The following MAD1L1 variants were observed in gnomAD, a reference collection of about 807,000 sequenced individuals.
The protein encoded by MAD1L1 is mitotic spindle assembly checkpoint protein MAD1.
A neutral mutation model predicts 96.9 loss-of-function variants in MAD1L1; 95 were observed. The observed-to-expected ratio is 0.98, with a 90% CI of 0.83 to 1.16. The LOEUF is 1.16. Ranked by LOEUF, MAD1L1 falls within the 50% of genes most tolerant of loss-of-function variation. The pLI, the probability that MAD1L1 is intolerant of heterozygous loss-of-function variation, is 0.00. For synonymous variants in MAD1L1, 473 were observed against 396.6 expected (o/e 1.19, Z -2.29); for missense variants, 1,007 against 954.4 (o/e 1.06, Z -0.73).
chr7:2,139,761 G>T lies in MAD1L1; in HGVS notation c.1073+9391C>A, dbSNP rs557171138. Among the ~76,000 whole-genome samples, 664 of 152,360 alleles carry T rather than the reference G, an allele frequency of 4.4e-3. 10 individuals carry two copies. The highest frequency in any genetic ancestry group is 0.015 in the African/African-American group (629 of 41,580). The stretch of plus-strand genomic sequence containing the variant: ...CAGGGGCCAGTGTGAGGGGCTCTGC[G>T]TGGAGAGGCCAGCTGCAGCTCGGAC... On this transcript the variant is annotated intron_variant, in intron 11 of 18. Transcript: ENST00000265854.
intron 12 of MAD1L1, among the ~76,000 whole-genome samples, chr7:2,016,020 T>C (rs1391947645): frequency 6.6e-6 from 1 of 152,200 alleles, no homozygotes; most frequent in Non-Finnish European, 1.5e-5. Context: ...AGCTCTGTCC[T>C]GAGGCCAGCT....
At chr7:1,957,566 CACG>C in intron 16 of MAD1L1, 60 bp downstream of exon 16, 1 of 1,527,878 alleles carries the variant, frequency 6.5e-7, no homozygotes, top group Non-Finnish European at 9.0e-7. Context: ...CACGGTCGTT[CACG>C]ACGCCCAAAG....
chr7:2,002,392 T>C (rs1378693680), intron 13 of MAD1L1, among the ~76,000 whole-genome samples: 3 of 152,090 alleles, frequency 2.0e-5, no homozygotes, highest in Non-Finnish European at 4.4e-5. Flanking sequence ...TCCTAAAACC[T>C]GCCTCAGGAA....
intron 10 of MAD1L1, among the ~76,000 whole-genome samples, chr7:2,174,644 C>T (rs1465966770): frequency 6.6e-6 from 1 of 152,112 alleles, no homozygotes; most frequent in Non-Finnish European, 1.5e-5. Context: ...AACACTTACA[C>T]TGATTTTTTC....
At chr7:2,004,778 G>A (rs973442260) in intron 13 of MAD1L1, among the ~76,000 whole-genome samples, 4 of 152,234 alleles carry the variant, frequency 2.6e-5, no homozygotes, top group Non-Finnish European at 4.4e-5. Context: ...ATTCACAAGC[G>A]GCTCATCAGC....
intron 11 of MAD1L1, among the ~76,000 whole-genome samples, chr7:2,098,228 G>A (rs746771175): frequency 3.3e-5 from 5 of 152,188 alleles, no homozygotes; most frequent in East Asian, 1.9e-4. Context: ...GCACAGCGCC[G>A]TCCTCTGCCA....
intron 13 of MAD1L1, among the ~76,000 whole-genome samples, chr7:2,007,213 C>T (rs1415394847): frequency 6.6e-6 from 1 of 152,228 alleles, no homozygotes; most frequent in Non-Finnish European, 1.5e-5. Context: ...ACTGGAGACA[C>T]ACAGATTGAA....
intron 12 of MAD1L1, among the ~76,000 whole-genome samples, chr7:2,044,999 C>A (rs1783857894): frequency 6.6e-6 from 1 of 152,198 alleles, no homozygotes; most frequent in Non-Finnish European, 1.5e-5. Flanking sequence ...CTGACAGGGG[C>A]CACACGCCCA....
chr7:1,830,408 A>G (rs917848004), intron 18 of MAD1L1, among the ~76,000 whole-genome samples: 6 of 152,230 alleles, frequency 3.9e-5, no homozygotes, highest in Non-Finnish European at 8.8e-5. Flanking sequence ...AAAAAAATAA[A>G]TAAAAATAAA....
chr7:2,127,112 T>C (rs370830136), intron 11 of MAD1L1, among the ~76,000 whole-genome samples: 15 of 152,248 alleles, frequency 9.9e-5, no homozygotes, highest in African/African-American at 3.4e-4. Flanking sequence ...GTGACCCCAC[T>C]TTGGGGACAG....
chr7:2,039,354 G>A (rs1040149187), intron 12 of MAD1L1, among the ~76,000 whole-genome samples: 6 of 152,180 alleles, frequency 3.9e-5, no homozygotes, highest in South Asian at 2.1e-4. Flanking sequence ...TCCGAACCTC[G>A]GTTTTATTTC....
chr7:1,938,761 C>G (rs1778754000), intron 16 of MAD1L1, among the ~76,000 whole-genome samples: 1 of 146,246 alleles, frequency 6.8e-6, no homozygotes, highest in Non-Finnish European at 1.5e-5. Context: ...CACACACACA[C>G]ACACACACGC....
intron 17 of MAD1L1, among the ~76,000 whole-genome samples, chr7:1,934,694 G>A (rs1209993767): frequency 2.7e-5 from 4 of 150,162 alleles, no homozygotes; most frequent in African/African-American, 9.9e-5. Context: ...CCCGAGACAG[G>A]CAGAGACCCA....
chr7:2,030,380 T>C (rs918682371), intron 12 of MAD1L1, among the ~76,000 whole-genome samples: 1 of 152,240 alleles, frequency 6.6e-6, no homozygotes, highest in African/African-American at 2.4e-5. Context: ...CAGAATGCAA[T>C]TCTACTATTA....
intron 11 of MAD1L1, among the ~76,000 whole-genome samples, chr7:2,124,229 G>A (rs1448251376): frequency 6.6e-6 from 1 of 152,344 alleles, no homozygotes; most frequent in South Asian, 2.1e-4. Flanking sequence ...CACAAGGGTC[G>A]AGACATGGAG....
chr7:1,870,381 T>C (rs71523268), intron 18 of MAD1L1, among the ~76,000 whole-genome samples: 38,572 of 107,124 alleles, frequency 0.36, 8,354 homozygotes, highest in East Asian at 0.43. Flanking sequence ...ACGCTTGCCA[T>C]GCTGAACCCA....
chr7:1,886,215 T>A (rs562625483), intron 18 of MAD1L1, among the ~76,000 whole-genome samples: 1 of 152,314 alleles, frequency 6.6e-6, no homozygotes, highest in Admixed American at 6.5e-5. Context: ...AAGGGGCTTG[T>A]CCTCTGGGGG....
At chr7:2,228,599 A>G (rs1008133966) in intron 3 of MAD1L1, among the ~76,000 whole-genome samples, 1 of 152,024 alleles carries the variant, frequency 6.6e-6, no homozygotes, top group Non-Finnish European at 1.5e-5. Flanking sequence ...AACAACTACC[A>G]TCTATTACCT....
At chr7:2,200,780 C>T (rs894564057) in intron 10 of MAD1L1, among the ~76,000 whole-genome samples, 2 of 152,334 alleles carry the variant, frequency 1.3e-5, no homozygotes, top group African/African-American at 2.4e-5. Context: ...AGCCACTGAG[C>T]GTGCAAAGGC....
Sources: allele counts gnomAD v4.1 joint callset (sites outside exome capture counted in the v4.1 genomes callset), GRCh38; gene constraint gnomAD v4.1.1; transcripts MANE v1.5; gene names NCBI Gene and HGNC (gene_info 2026-07-23, HGNC 2026-07-21).